Variants in TBC1D16 observed in about 807,000 individuals in gnomAD.
TBC1D16 encodes CTD-2529O21.1.
TBC1D16 carries 58 observed loss-of-function variants against 74.7 expected under a neutral mutation model. That is an observed-to-expected ratio of 0.78 (90% confidence interval 0.63 to 0.97). The LOEUF is 0.97. Ranked by LOEUF, TBC1D16 falls within the 50% of genes least tolerant of loss-of-function variation. TBC1D16 has a pLI of 0.00. For missense variants in TBC1D16, 1,014 were observed against 1,079.5 expected (o/e 0.94, Z 0.85); for synonymous variants, 493 against 474.7 (o/e 1.04, Z -0.50).
In TBC1D16 at chr17:80,035,673, G is replaced by A. The variant is rs1184050142; in HGVS notation, c.-63+122C>T. On this transcript the variant is annotated intron_variant, in intron 1 of 11. Coordinates refer to ENST00000310924, the MANE Select transcript of TBC1D16 (RefSeq NM_019020.4). This position sits in a 1 kb window ranked among gnomAD's most constrained non-coding sequence, Gnocchi z 5.3. ...GCCCCTCCCCGGTCCCGCGGCTGCAGGCCCACGCGCCCCACGCGCCCCGCG... is the reference window on the plus strand; with the variant it reads ...GCCCCTCCCCGGTCCCGCGGCTGCAAGCCCACGCGCCCCACGCGCCCCGCG... The A allele has an allele frequency of 6.7e-6, 1 of 149,126 alleles. No homozygotes were observed. Among genetic ancestry groups the A allele is most frequent in the Non-Finnish European group, 1.5e-5 (1 of 66,904 alleles). The allele number at this position is 149,126 out of a possible 1,614,324, so 9.2% of individuals were successfully genotyped here.
At position 79,984,617 on chromosome 17, in the gene TBC1D16, G is replaced by GAAGGAAGGAAGGA. The variant is rs1225371423; in HGVS notation, c.779+25542_779+25543insTCCTTCCTTCCTT. On this transcript the variant is annotated intron_variant, in intron 3 of 11. Transcript: ENST00000310924. Reference sequence around the variant, plus strand: ...AAGAGAAAGAAAAGAGGGAGGGAGGGAGTGAAGGAAGGAAGGAAGGAAGGA... The same window carrying GAAGGAAGGAAGGA: ...AAGAGAAAGAAAAGAGGGAGGGAGGGAAGGAAGGAAGGAAGTGAAGGAAGGAAGGAAGGAAGGA... 1.6e-3 allele frequency among the ~76,000 whole-genome samples: 150 copies of GAAGGAAGGAAGGA among 92,266 alleles called. 3 individuals carry two copies. The highest frequency in any genetic ancestry group is 2.0e-3 in the Non-Finnish European group (87 of 42,474). The allele number at this position is 92,266 out of a possible 152,430, so 60.5% of individuals were successfully genotyped here.
chr17:79,945,608 A>G (rs553639867), intron 9 of TBC1D16, among the ~76,000 whole-genome samples: 50 of 152,356 alleles, frequency 3.3e-4, no homozygotes, highest in African/African-American at 1.2e-3. Flanking sequence ...GATGTGGGAC[A>G]AGATCGGGGC....
chr17:79,957,489 C>G (rs2033389325), intron 3 of TBC1D16, among the ~76,000 whole-genome samples: 1 of 152,154 alleles, frequency 6.6e-6, no homozygotes. Context: ...CTAGGACACT[C>G]TGGAAAAGGC....
intron 4 of TBC1D16, chr17:79,951,859 C>G (rs1159388442): frequency 1.6e-5 from 6 of 377,518 alleles, no homozygotes; most frequent in Middle Eastern, 7.3e-4. Flanking sequence ...GGCCTTCTCC[C>G]CACCACCCCC....
At position 80,010,791 on chromosome 17, in the gene TBC1D16, C is replaced by G; in HGVS notation, c.182-34G>C. 7.0e-7 allele frequency: 1 copy of G among 1,432,456 alleles called. No homozygotes were observed. 88.7% of individuals were successfully genotyped at this position (1,432,456 alleles called of 1,614,324 possible). ...AGCCAGGGGGATGGCACGTTAGAGGCCAGGAGGCTGTGGATGAGGCCCTTG... is the reference window on the plus strand; with the variant it reads ...AGCCAGGGGGATGGCACGTTAGAGGGCAGGAGGCTGTGGATGAGGCCCTTG... On this transcript the variant is annotated intron_variant, in intron 2 of 11. Coordinates refer to ENST00000310924, the MANE Select transcript of TBC1D16 (RefSeq NM_019020.4). The surrounding 1 kb of genome is among the most constrained non-coding windows in gnomAD (Gnocchi z 8.8).
Position 80,010,852 on chromosome 17 carries a change from C to T in TBC1D16, c.182-95G>A. On this transcript the variant is annotated intron_variant, in intron 2 of 11. Coordinates refer to ENST00000310924, the MANE Select transcript of TBC1D16 (RefSeq NM_019020.4). This position sits in a 1 kb window ranked among gnomAD's most constrained non-coding sequence, Gnocchi z 8.8. ...GGCGAGCTGCTCGGAGAGGCCACTG[C>T]CCTTTAGTAAAGTGCCAGTCCGGCC... 3.3e-6 allele frequency: 3 copies of T among 917,090 alleles called. No individual in the cohort carries two copies. The highest frequency in any genetic ancestry group is 4.6e-6 in the Non-Finnish European group (3 of 645,908). The allele number at this position is 917,090 out of a possible 1,614,324, so 56.8% of individuals were successfully genotyped here. A position where few individuals can be genotyped will look rare whatever the true frequency, so the allele number is the denominator to read the frequency against.
Position 79,954,024 on chromosome 17 carries a change from C to A in TBC1D16, c.780-1206G>T, listed in dbSNP as rs560857758. ...ACCTCAGGTGATCCACCCGCCTCAG[C>A]CTCCAAAAGTGTTGGGATTACAGGC... On this transcript the variant is annotated intron_variant, in intron 3 of 11. Transcript: ENST00000310924. The surrounding 1 kb of genome is among the most constrained non-coding windows in gnomAD (Gnocchi z 5.5). Among the ~76,000 whole-genome samples, 1 of 152,178 alleles carries A rather than the reference C, an allele frequency of 6.6e-6. No individual in the cohort carries two copies. Among genetic ancestry groups the A allele is most frequent in the Admixed American group, 6.5e-5 (1 of 15,282 alleles).
chr17:80,033,963 G>A (rs1346645234), intron 1 of TBC1D16, among the ~76,000 whole-genome samples: 1 of 152,156 alleles, frequency 6.6e-6, no homozygotes, highest in Non-Finnish European at 1.5e-5. Flanking sequence ...CGGTTTTCTG[G>A]AGCTGGGACG....
chr17:79,940,888 G>T lies in TBC1D16; in HGVS notation c.2275C>A (p.Pro759Thr). 1.3e-6 allele frequency: 2 copies of T among 1,570,562 alleles called. No individual in the cohort carries two copies. Among genetic ancestry groups the T allele is most frequent in the East Asian group, 2.3e-5 (1 of 43,480 alleles). ...CTGCGGAAGCCGAAGCCGTCCTGCG[G>T]CGTCTTTGGGCCCTTCTTGCCTTCC... ...LREGKKGPKT[P>T]QDGFGFRR The change falls in exon 12 of 12, where the codon CCG (proline) becomes ACG (threonine). Residue 759 changes from proline to threonine, a missense_variant. Coordinates refer to ENST00000310924, the MANE Select transcript of TBC1D16 (RefSeq NM_019020.4). This position sits in a 1 kb window ranked among gnomAD's most constrained non-coding sequence, Gnocchi z 5.4.
intron 3 of TBC1D16, among the ~76,000 whole-genome samples, chr17:79,984,560 A>AAGAAAGAGAGAG (rs141654166): frequency 4.5e-5 from 6 of 132,672 alleles, no homozygotes; most frequent in East Asian, 2.0e-4. Context: ...AAAAGAAAGA[A>AAGAAAGAGAGAG]AGAGAGAGAG....
Position 80,007,488 on chromosome 17 carries a change from C to T in TBC1D16, c.779+2672G>A, listed in dbSNP as rs1406565155. On this transcript the variant is annotated intron_variant, in intron 3 of 11. Transcript: ENST00000310924. The surrounding 1 kb of genome is among the most constrained non-coding windows in gnomAD (Gnocchi z 4.5). Reference sequence around the variant, plus strand: ...TGTCGGACCCCAAAATTTACTCCTTCACCACCATCTGCCTCCCAGCAGCTG... The same window carrying T: ...TGTCGGACCCCAAAATTTACTCCTTTACCACCATCTGCCTCCCAGCAGCTG... 1.3e-5 allele frequency among the ~76,000 whole-genome samples: 2 copies of T among 152,210 alleles called. No homozygotes were observed. Among genetic ancestry groups the T allele is most frequent in the Admixed American group, 6.5e-5 (1 of 15,292 alleles).
At chr17:79,949,696 C>A in intron 7 of TBC1D16, 21 bp downstream of exon 7, 1 of 1,591,804 alleles carries the variant, frequency 6.3e-7, no homozygotes, top group Non-Finnish European at 8.6e-7. Context: ...CGGGGTGGGC[C>A]GGGCTGGCCC....
At chr17:79,963,968 TTGTG>T (rs938172792) in intron 3 of TBC1D16, among the ~76,000 whole-genome samples, 1 of 150,780 alleles carries the variant, frequency 6.6e-6, no homozygotes, top group East Asian at 2.0e-4. Context: ...TGGTTGTTTT[TTGTG>T]TGTGTCTGTT....
chr17:80,024,512 A>ACAC (rs2036447100), intron 1 of TBC1D16, among the ~76,000 whole-genome samples: 11 of 136,694 alleles, frequency 8.0e-5, no homozygotes, highest in South Asian at 2.4e-4. Flanking sequence ...ACCATAGACA[A>ACAC]ACCACGCACA....
At position 79,934,835 on chromosome 17, in the gene TBC1D16, C is replaced by G. The variant is rs917718207; in HGVS notation, c.*6024G>C. On this transcript the variant is annotated 3_prime_UTR_variant, in exon 12 of 12. Transcript: ENST00000310924. ...ATAAGAGGTATGTTCCCCTCCAGCC[C>G]CCGCCCCCAGGCAAAAGGGGAAAAG... 1 of 152,402 alleles carries G rather than the reference C, an allele frequency of 6.6e-6. No homozygotes were observed. The highest frequency in any genetic ancestry group is 1.5e-5 in the Non-Finnish European group (1 of 68,220). 9.4% of individuals were successfully genotyped at this position (152,402 alleles called of 1,614,324 possible).
At chr17:79,952,544 C>T in intron 4 of TBC1D16, 113 bp downstream of exon 4, 1 of 1,334,822 alleles carries the variant, frequency 7.5e-7, no homozygotes, top group Non-Finnish European at 1.0e-6. Flanking sequence ...TGGGAAGACT[C>T]CATCCAGGGC....
At chr17:79,972,269 C>T (rs886806405) in intron 3 of TBC1D16, among the ~76,000 whole-genome samples, 12 of 152,258 alleles carry the variant, frequency 7.9e-5, no homozygotes, top group African/African-American at 2.4e-4. Flanking sequence ...CTCCGCCTCC[C>T]GGATTCAAGC....
At chr17:79,965,731 A>G (rs2033815926) in intron 3 of TBC1D16, among the ~76,000 whole-genome samples, 1 of 152,210 alleles carries the variant, frequency 6.6e-6, no homozygotes, top group Admixed American at 6.5e-5. Context: ...GACAGCAGTC[A>G]CATCAACTGG....
chr17:80,004,934 C>G (rs1347289960), intron 3 of TBC1D16, among the ~76,000 whole-genome samples: 1 of 152,234 alleles, frequency 6.6e-6, no homozygotes, highest in Non-Finnish European at 1.5e-5. Flanking sequence ...CTTAGCCTCC[C>G]AAAGCGCTGG....
Sources: allele counts gnomAD v4.1 joint callset (sites outside exome capture counted in the v4.1 genomes callset), GRCh38; gene constraint gnomAD v4.1.1; non-coding constraint Gnocchi (gnomAD v3.1); transcripts MANE v1.5; gene names NCBI Gene and HGNC (gene_info 2026-07-23, HGNC 2026-07-21).